The following PPP6R3 variants were observed in gnomAD, a reference collection of about 807,000 sequenced individuals.
PPP6R3 encodes the protein serine/threonine-protein phosphatase 6 regulatory subunit 3.
PPP6R3 carries 38 observed loss-of-function variants against 110.7 expected under a neutral mutation model. The observed-to-expected ratio is 0.34, with a 90% CI of 0.26 to 0.45. PPP6R3 has a LOEUF of 0.45. PPP6R3 is among the 20% of genes least tolerant of loss of function. The pLI, the probability that PPP6R3 is intolerant of heterozygous loss-of-function variation, is 1.00. For missense variants in PPP6R3, 870 were observed against 1,062.4 expected, an observed-to-expected ratio of 0.82 and a Z score of 2.52; for synonymous variants, 369 against 373.5, an observed-to-expected ratio of 0.99 and a Z score of 0.14.
chr11:68,468,997 AT>A (rs2098769578), intron 1 of PPP6R3, among the ~76,000 whole-genome samples: 2 of 152,190 alleles, frequency 1.3e-5, no homozygotes, highest in South Asian at 4.1e-4. Context: ...TTAACAGATG[AT>A]TGGATCTTTT....
intron 1 of PPP6R3, among the ~76,000 whole-genome samples, chr11:68,487,655 T>A (rs58497241): frequency 0.014 from 2,070 of 152,314 alleles, 56 homozygotes; most frequent in African/African-American, 0.047. Context: ...CCCATGTTAT[T>A]TAGAAGTATA....
Position 68,613,779 on chromosome 11 carries a change from T to TTGA in PPP6R3, c.*664_*666dup. ...TAAAGTATTTATTGCTACATCATAG[T>TTGA]TGATAAATTGATGTTATCGTAAAGC... is the stretch of plus-strand genomic sequence containing the variant. On this transcript the variant is annotated 3_prime_UTR_variant, in exon 24 of 24. Coordinates refer to ENST00000393800, the MANE Select transcript of PPP6R3 (RefSeq NM_001164161.2). The TTGA allele has an allele frequency of 2.0e-6, 2 of 982,622 alleles. No homozygotes were observed. Among genetic ancestry groups the TTGA allele is most frequent in the Non-Finnish European group, 2.4e-6 (2 of 826,956 alleles). The allele number at this position is 982,622 out of a possible 1,614,324, so 60.9% of individuals were successfully genotyped here.
intron 1 of PPP6R3, among the ~76,000 whole-genome samples, chr11:68,497,051 T>G (rs1448711093): frequency 6.7e-6 from 1 of 149,660 alleles, no homozygotes; most frequent in Non-Finnish European, 1.5e-5. Context: ...TTTGTTTGTT[T>G]TGTTTTGTTT....
intron 2 of PPP6R3, among the ~76,000 whole-genome samples, chr11:68,531,330 T>G (rs1428284845): frequency 6.7e-6 from 1 of 150,222 alleles, no homozygotes; most frequent in Non-Finnish European, 1.5e-5. Flanking sequence ...TTTATTTATT[T>G]ATTTATTTAT....
chr11:68,505,124 G>A (rs2153501900), intron 1 of PPP6R3: 1 of 152,248 alleles, frequency 6.6e-6, no homozygotes, highest in East Asian at 1.9e-4. Context: ...TAATCATTTA[G>A]TCTAAACCTC....
intron 19 of PPP6R3, among the ~76,000 whole-genome samples, chr11:68,597,848 C>T (rs535950247): frequency 8.0e-5 from 12 of 150,226 alleles, no homozygotes; most frequent in African/African-American, 2.2e-4. Flanking sequence ...GGCATGGTGG[C>T]ATACACCCAT....
At chr11:68,561,947 C>T (rs553016355) in intron 8 of PPP6R3, among the ~76,000 whole-genome samples, 11 of 151,512 alleles carry the variant, frequency 7.3e-5, no homozygotes, top group Non-Finnish European at 1.3e-4. Context: ...TGTTTTGTAG[C>T]GATGGAGTCT....
At chr11:68,560,703 A>G (rs1232523146) in intron 8 of PPP6R3, among the ~76,000 whole-genome samples, 3 of 152,198 alleles carry the variant, frequency 2.0e-5, no homozygotes, top group Admixed American at 6.5e-5. Flanking sequence ...CTTTGAAACT[A>G]TAGTGAACTA....
intron 5 of PPP6R3, among the ~76,000 whole-genome samples, chr11:68,550,635 G>A (rs147663907): frequency 1.3e-5 from 2 of 152,330 alleles, no homozygotes; most frequent in Middle Eastern, 3.4e-3. Context: ...GTTTCCTGCA[G>A]TGGGTTTGGT....
Position 68,554,195 on chromosome 11 carries a change from A to T in PPP6R3, c.669A>T (p.Arg223Ser). ...TTTGTGAAATTGTTCGCCTGAGCAG[A>T]GACCAGATGTTACAAATTCAGAACA... ...QSLCEIVRLSRDQMLQIQNST... is the reference protein window; with the variant it reads ...QSLCEIVRLSSDQMLQIQNST... Residue 223 changes from arginine (R) to serine (S), a missense_variant, in exon 7 of 24, where the codon AGA becomes AGT. Transcript: ENST00000393800. The T allele has an allele frequency of 6.2e-7, 1 of 1,613,912 alleles. No homozygotes were observed. The highest frequency in any genetic ancestry group is 8.5e-7 in the Non-Finnish European group (1 of 1,179,922).
At chr11:68,581,714 A>G (rs1412236769) in intron 14 of PPP6R3, among the ~76,000 whole-genome samples, 1 of 152,222 alleles carries the variant, frequency 6.6e-6, no homozygotes, top group Admixed American at 6.5e-5. Flanking sequence ...TTCCTGGAAC[A>G]TCCCCATGCC....
intron 3 of PPP6R3, among the ~76,000 whole-genome samples, chr11:68,541,618 C>A (rs1237901931): frequency 6.6e-6 from 1 of 152,064 alleles, no homozygotes; most frequent in African/African-American, 2.4e-5. Context: ...GAGATGAGGC[C>A]TAGTGGTAGG....
chr11:68,512,860 T>C (rs1041603285), intron 1 of PPP6R3, among the ~76,000 whole-genome samples: 4 of 152,226 alleles, frequency 2.6e-5, no homozygotes, highest in Non-Finnish European at 1.5e-5. Flanking sequence ...CAAGTGCTTG[T>C]CCATTCCTGT....
chr11:68,580,840 C>T (rs988903423), intron 14 of PPP6R3, among the ~76,000 whole-genome samples: 4 of 140,166 alleles, frequency 2.9e-5, no homozygotes, highest in East Asian at 4.3e-4. Flanking sequence ...GGCACGATCT[C>T]GGCTCACTGC....
chr11:68,528,766 T>TG (rs2099217531), intron 2 of PPP6R3, among the ~76,000 whole-genome samples: 1 of 152,206 alleles, frequency 6.6e-6, no homozygotes, highest in Non-Finnish European at 1.5e-5. Flanking sequence ...TCAGCATGCC[T>TG]GGAAGCAGTC....
chr11:68,492,441 G>A (rs1021883128), intron 1 of PPP6R3, among the ~76,000 whole-genome samples: 10 of 152,162 alleles, frequency 6.6e-5, no homozygotes, highest in South Asian at 2.1e-4. Context: ...AAGCCACTGC[G>A]CCTGACTAGA....
At chr11:68,469,002 A>G (rs1276853370) in intron 1 of PPP6R3, among the ~76,000 whole-genome samples, 1 of 152,174 alleles carries the variant, frequency 6.6e-6, no homozygotes, top group Non-Finnish European at 1.5e-5. Flanking sequence ...AGATGATTGG[A>G]TCTTTTTGAT....
intron 1 of PPP6R3, among the ~76,000 whole-genome samples, chr11:68,478,158 C>T (rs1015229628): frequency 6.6e-6 from 1 of 152,006 alleles, no homozygotes; most frequent in African/African-American, 2.4e-5. Flanking sequence ...CCATGTTGGC[C>T]AGGCTGGTCT....
chr11:68,584,925 G>C (rs543900092), intron 15 of PPP6R3, among the ~76,000 whole-genome samples: 1 of 151,924 alleles, frequency 6.6e-6, no homozygotes, highest in Non-Finnish European at 1.5e-5. Flanking sequence ...TTAAAATTTT[G>C]AGAATGCAAA....
Sources: gnomAD v4.1 joint callset for allele counts (sites outside exome capture counted in the v4.1 genomes callset) on GRCh38, gnomAD v4.1.1 for gene constraint, MANE v1.5 for transcripts, NCBI Gene and HGNC (gene_info 2026-07-23, HGNC 2026-07-21) for gene names.